Variants in MACC1 observed in about 807,000 individuals in gnomAD.
The protein encoded by MACC1 is MET transcriptional regulator MACC1.
MACC1 carries 79 observed loss-of-function variants against 70.7 expected under a neutral mutation model. The observed-to-expected ratio is 1.12, with a 90% CI of 0.93 to 1.35. The LOEUF (loss-of-function observed/expected upper bound fraction) is 1.35, where lower values mean the gene tolerates loss of function less well. Ranked by LOEUF, MACC1 falls within the 40% of genes most tolerant of loss-of-function variation. The pLI is 0.00. For missense variants in MACC1, 1,106 were observed against 978.1 expected (o/e 1.13, Z -1.74); for synonymous variants, 361 against 347.2 (o/e 1.04, Z -0.44).
In MACC1 at chr7:20,138,882, C is replaced by G. The variant is rs1781757279; in HGVS notation, c.*2064G>C. On this transcript the variant is annotated 3_prime_UTR_variant, in exon 7 of 7. Coordinates refer to ENST00000400331, the MANE Select transcript of MACC1 (RefSeq NM_182762.4). ...AGAGACGGGGTTTCACCGCGTTAGC[C>G]AGGATGGTCTCGATCTCCTGACCTA... The G allele has an allele frequency of 6.6e-6, 1 of 152,290 alleles. No homozygotes were observed. The highest frequency in any genetic ancestry group is 1.9e-4 in the East Asian group (1 of 5,180). 9.4% of individuals were successfully genotyped at this position (152,290 alleles called of 1,614,324 possible).
intron 1 of MACC1, among the ~76,000 whole-genome samples, chr7:20,216,959 T>G (rs1225252846): frequency 6.6e-6 from 1 of 152,162 alleles, no homozygotes; most frequent in Non-Finnish European, 1.5e-5. Context: ...ATATTTAAAG[T>G]TTTTAGGGGA....
At chr7:20,194,592 C>G (rs1242500871) in intron 1 of MACC1, among the ~76,000 whole-genome samples, 1 of 152,188 alleles carries the variant, frequency 6.6e-6, no homozygotes, top group African/African-American at 2.4e-5. Flanking sequence ...CATTAGAGAT[C>G]CAGTGAAAAG....
rs1781750179 is a variant in MACC1 at position 20,138,527 on chromosome 7, C to T, written c.*2419G>A. ...AAAGCAAAATCACCACAAAAAAGGA[C>T]TGTGTTCTGAAAGTAAAAACTGTGC... On this transcript the variant is annotated 3_prime_UTR_variant, in exon 7 of 7. Transcript: ENST00000400331. 1 of 152,086 alleles carries T rather than the reference C, an allele frequency of 6.6e-6. No homozygotes were observed. Among genetic ancestry groups the T allele is most frequent in the African/African-American group, 2.4e-5 (1 of 41,396 alleles). 9.4% of individuals were successfully genotyped at this position (152,086 alleles called of 1,614,324 possible).
At chr7:20,185,275 A>T (rs1012732097) in intron 1 of MACC1, among the ~76,000 whole-genome samples, 3 of 152,314 alleles carry the variant, frequency 2.0e-5, no homozygotes, top group African/African-American at 4.8e-5. Flanking sequence ...CTTTTAAAAG[A>T]ATACTTGAGA....
intron 1 of MACC1, among the ~76,000 whole-genome samples, chr7:20,203,973 C>T (rs922630322): frequency 1.3e-5 from 2 of 152,094 alleles, no homozygotes; most frequent in Admixed American, 1.3e-4. Context: ...AAAAGGAAGC[C>T]AGACATGTTT....
At position 20,140,734 on chromosome 7, in the gene MACC1, AG is replaced by A. The variant is rs1448782015; in HGVS notation, c.*211del. On this transcript the variant is annotated 3_prime_UTR_variant, in exon 7 of 7. Coordinates refer to ENST00000400331, the MANE Select transcript of MACC1 (RefSeq NM_182762.4). ...TTATCAGTTAGGCTGTGCTTTCATC[AG>A]GAAAAAAAAACTGGTTTTGAGCATG... The A allele has an allele frequency of 8.4e-5, 35 of 416,850 alleles. No homozygotes were observed. Among genetic ancestry groups the A allele is most frequent in the Non-Finnish European group, 1.2e-4 (29 of 240,208 alleles). The allele number at this position is 416,850 out of a possible 1,614,324, so 25.8% of individuals were successfully genotyped here. A position where few individuals can be genotyped will look rare whatever the true frequency, so the allele number is the denominator to read the frequency against.
chr7:20,208,302 C>G (rs1562603953), intron 1 of MACC1, among the ~76,000 whole-genome samples: 1 of 152,134 alleles, frequency 6.6e-6, no homozygotes, highest in African/African-American at 2.4e-5. Context: ...GAGGTTGGAA[C>G]AGTTTTGAGG....
intron 6 of MACC1, among the ~76,000 whole-genome samples, chr7:20,149,003 A>G (rs1562581711): frequency 6.6e-6 from 1 of 152,236 alleles, no homozygotes; most frequent in Non-Finnish European, 1.5e-5. Flanking sequence ...ACAGACCTTG[A>G]TAATTCAACA....
Position 20,158,845 on chromosome 7 carries a change from C to A in MACC1, c.1516G>T (p.Asp506Tyr). The A allele has an allele frequency of 6.2e-7, 1 of 1,614,076 alleles. No individual in the cohort carries two copies. Among genetic ancestry groups the A allele is most frequent in the South Asian group, 1.1e-5 (1 of 91,086 alleles). ...AGTCTTTTTAGGTTTGGGGTTGGAT[C>A]AGGAGTAGTGATAGAGAACTGTGCA... ...PVAQFSITTP[D>Y]PTPNLKRLSN... The change falls in exon 5 of 7, where the codon GAT becomes TAT. Residue 506 changes from aspartate to tyrosine, a missense_variant. Coordinates refer to ENST00000400331, the MANE Select transcript of MACC1 (RefSeq NM_182762.4).
chr7:20,137,861 T>A lies in MACC1; in HGVS notation c.*3085A>T, dbSNP rs971829488. 1 of 152,090 alleles carries A rather than the reference T, an allele frequency of 6.6e-6. No individual in the cohort carries two copies. Among genetic ancestry groups the A allele is most frequent in the Non-Finnish European group, 1.5e-5 (1 of 67,998 alleles). The allele number at this position is 152,090 out of a possible 1,614,324, so 9.4% of individuals were successfully genotyped here. The stretch of plus-strand genomic sequence containing the variant: ...GAATGTTTGGACATGGGCTTAAAAT[T>A]CCTCTGGAAGGCTGGGAGCAGTGGC... On this transcript the variant is annotated 3_prime_UTR_variant, in exon 7 of 7. Transcript: ENST00000400331.
In MACC1 at chr7:20,136,133, T is replaced by C. The variant is rs913611002; in HGVS notation, c.*4813A>G. 2.0e-5 allele frequency: 3 copies of C among 152,232 alleles called. No individual in the cohort carries two copies. Among genetic ancestry groups the C allele is most frequent in the African/African-American group, 7.2e-5 (3 of 41,456 alleles). 9.4% of individuals were successfully genotyped at this position (152,232 alleles called of 1,614,324 possible). On this transcript the variant is annotated 3_prime_UTR_variant, in exon 7 of 7. Coordinates refer to ENST00000400331, the MANE Select transcript of MACC1 (RefSeq NM_182762.4). The stretch of plus-strand genomic sequence containing the variant: ...CTAGAGGTCATTTGGTTCAAGTTCC[T>C]TGTTTTACTGGTGAGAAAACTGAAG...
In MACC1 at chr7:20,158,887, G is replaced by A. The variant is rs1266512478; in HGVS notation, c.1474C>T (p.Pro492Ser). 2 of 1,614,058 alleles carry A rather than the reference G, an allele frequency of 1.2e-6. No homozygotes were observed. Among genetic ancestry groups the A allele is most frequent in the Non-Finnish European group, 1.7e-6 (2 of 1,180,026 alleles). Residue 492 changes from proline (P) to serine (S), a missense_variant, in exon 5 of 7, where the codon CCC (proline) becomes TCC (serine). Coordinates refer to ENST00000400331, the MANE Select transcript of MACC1 (RefSeq NM_182762.4). ...AACTGTGCAACTGGTTCACCATTGG[G>A]AGGCTCCACTTGAACACAAAAATCA... ...LFDFCVQVEPPNGEPVAQFSI... is the reference protein window; with the variant it reads ...LFDFCVQVEPSNGEPVAQFSI...
At chr7:20,207,317 A>ATT (rs1174731938) in intron 1 of MACC1, among the ~76,000 whole-genome samples, 2 of 132,954 alleles carry the variant, frequency 1.5e-5, no homozygotes, top group Admixed American at 7.5e-5. Flanking sequence ...TAATTTTTGT[A>ATT]TTTTTTTTTT....
chr7:20,210,459 T>C (rs1782979141), intron 1 of MACC1, among the ~76,000 whole-genome samples: 1 of 152,180 alleles, frequency 6.6e-6, no homozygotes, highest in African/African-American at 2.4e-5. Context: ...TTCATCCCTA[T>C]GTACCCAGTG....
At chr7:20,156,279 A>T (rs1458159128) in intron 5 of MACC1, among the ~76,000 whole-genome samples, 1 of 152,188 alleles carries the variant, frequency 6.6e-6, no homozygotes, top group Non-Finnish European at 1.5e-5. Context: ...ACCAGGCCTG[A>T]GCCTCTTCAT....
At chr7:20,209,886 C>G (rs1233637205) in intron 1 of MACC1, among the ~76,000 whole-genome samples, 5 of 152,142 alleles carry the variant, frequency 3.3e-5, no homozygotes, top group Non-Finnish European at 7.4e-5. Flanking sequence ...ACTCTTGTAA[C>G]AGTGAGTGAC....
intron 6 of MACC1, among the ~76,000 whole-genome samples, chr7:20,146,772 T>G (rs57128993): frequency 0.073 from 11,135 of 152,242 alleles, 1,351 homozygotes; most frequent in African/African-American, 0.25. Context: ...GGAGGGCTTG[T>G]TTTTTAGTTG....
chr7:20,167,915 G>A (rs965914958), intron 2 of MACC1, among the ~76,000 whole-genome samples: 1 of 152,080 alleles, frequency 6.6e-6, no homozygotes, highest in Non-Finnish European at 1.5e-5. Flanking sequence ...TTTTTCACTG[G>A]TGCTGCAAAT....
chr7:20,204,048 T>A (rs1782872037), intron 1 of MACC1, among the ~76,000 whole-genome samples: 1 of 152,260 alleles, frequency 6.6e-6, no homozygotes, highest in African/African-American at 2.4e-5. Context: ...TGATTTTTAA[T>A]TATACAGAAG....
Sources: gnomAD v4.1 joint callset for allele counts (sites outside exome capture counted in the v4.1 genomes callset) on GRCh38, gnomAD v4.1.1 for gene constraint, MANE v1.5 for transcripts, NCBI Gene and HGNC (gene_info 2026-07-23, HGNC 2026-07-21) for gene names.